Variants in SETBP1 observed in about 807,000 individuals in gnomAD.
SETBP1 encodes SET-binding protein.
In SETBP1, 9 loss-of-function variants were observed where a neutral mutation model predicts 101.0. The ratio of observed to expected loss-of-function variants is 0.09; its 90% CI spans 0.05 to 0.16. SETBP1 has a LOEUF of 0.16. Ranked by LOEUF, SETBP1 falls within the 10% of genes least tolerant of loss-of-function variation. The probability of loss-of-function intolerance (pLI) is 1.00; values close to 1 mark genes in which losing one functional copy is unlikely to be tolerated. For synonymous variants in SETBP1, 818 were observed against 788.5 expected (o/e 1.04, Z -0.63); for missense variants, 1,858 against 2,033.8 (o/e 0.91, Z 1.66).
chr18:44,903,136 A>T (rs1313652439), intron 3 of SETBP1, among the ~76,000 whole-genome samples: 1 of 152,140 alleles, frequency 6.6e-6, no homozygotes, highest in Non-Finnish European at 1.5e-5. Context: ...CATTTTTCAC[A>T]CACACACAAA....
chr18:44,785,161 A>G (rs576041428), intron 2 of SETBP1, among the ~76,000 whole-genome samples: 9 of 152,232 alleles, frequency 5.9e-5, no homozygotes, highest in Non-Finnish European at 1.3e-4. Context: ...CACATCATGT[A>G]CACACAATCA....
chr18:44,901,806 G>A (rs1488022883), intron 3 of SETBP1, among the ~76,000 whole-genome samples: 1 of 152,148 alleles, frequency 6.6e-6, no homozygotes, highest in Non-Finnish European at 1.5e-5. Flanking sequence ...ATATTACCCA[G>A]GGACAAGCAT....
chr18:44,745,945 G>A (rs1051283616), intron 2 of SETBP1, among the ~76,000 whole-genome samples: 1 of 152,168 alleles, frequency 6.6e-6, no homozygotes, highest in African/African-American at 2.4e-5. Flanking sequence ...CCCTTCTCTG[G>A]CACCCTTCCT....
intron 2 of SETBP1, among the ~76,000 whole-genome samples, chr18:44,864,250 A>AC (rs1210940803): frequency 1.3e-5 from 2 of 152,164 alleles, no homozygotes; most frequent in African/African-American, 2.4e-5. Context: ...TGGCAGCTGT[A>AC]CCATGGATAG....
At chr18:44,840,686 G>A (rs1323965974) in intron 2 of SETBP1, among the ~76,000 whole-genome samples, 2 of 152,156 alleles carry the variant, frequency 1.3e-5, no homozygotes, top group African/African-American at 2.4e-5. Context: ...CAACTCTCAC[G>A]TTCCCAGTTC....
chr18:44,919,381 C>T (rs191447200), intron 3 of SETBP1, among the ~76,000 whole-genome samples: 1 of 148,788 alleles, frequency 6.7e-6, no homozygotes, highest in African/African-American at 2.5e-5. Context: ...GAGTCTCACT[C>T]TGTCACCAGG....
chr18:45,011,172 G>T (rs1046698657), intron 4 of SETBP1, among the ~76,000 whole-genome samples: 2 of 152,112 alleles, frequency 1.3e-5, no homozygotes, highest in East Asian at 1.9e-4. Context: ...CTTGGAACAG[G>T]ACTACGTTGT....
At chr18:44,691,309 A>G (rs1568091950) in intron 1 of SETBP1, among the ~76,000 whole-genome samples, 2 of 152,138 alleles carry the variant, frequency 1.3e-5, no homozygotes. Flanking sequence ...TTAAATTGAT[A>G]ATGACTGTAA....
chr18:45,033,644 T>C (rs1188454771), intron 4 of SETBP1, among the ~76,000 whole-genome samples: 2 of 152,188 alleles, frequency 1.3e-5, no homozygotes, highest in Non-Finnish European at 2.9e-5. Context: ...TTGCAAATCT[T>C]AGAATTACAA....
chr18:44,777,976 C>A (rs767459498), intron 2 of SETBP1, among the ~76,000 whole-genome samples: 3 of 152,204 alleles, frequency 2.0e-5, no homozygotes, highest in Non-Finnish European at 2.9e-5. Flanking sequence ...AAGCAAATTT[C>A]TGGAATTTCA....
At chr18:45,005,200 A>G (rs1007650755) in intron 4 of SETBP1, among the ~76,000 whole-genome samples, 1 of 152,238 alleles carries the variant, frequency 6.6e-6, no homozygotes, top group African/African-American at 2.4e-5. Flanking sequence ...GGCATTTACT[A>G]AAACAAGAGT....
intron 3 of SETBP1, among the ~76,000 whole-genome samples, chr18:44,895,059 A>T (rs1289023291): frequency 1.3e-5 from 2 of 148,434 alleles, no homozygotes; most frequent in Non-Finnish European, 3.0e-5. Context: ...GGTTGCAGTG[A>T]GGTATGATCA....
chr18:44,720,707 A>C (rs531917120), intron 2 of SETBP1, among the ~76,000 whole-genome samples: 1 of 152,142 alleles, frequency 6.6e-6, no homozygotes, highest in Non-Finnish European at 1.5e-5. Context: ...AAAGCATAGG[A>C]TTTAGGTGGG....
At chr18:45,062,580 C>G (rs1251105964) in intron 5 of SETBP1, among the ~76,000 whole-genome samples, 1 of 152,186 alleles carries the variant, frequency 6.6e-6, no homozygotes, top group East Asian at 1.9e-4. Flanking sequence ...GATAGTACAT[C>G]TGCTTGATAT....
intron 2 of SETBP1, among the ~76,000 whole-genome samples, chr18:44,736,196 G>T (rs1475455214): frequency 1.3e-5 from 2 of 151,632 alleles, no homozygotes; most frequent in East Asian, 3.9e-4. Flanking sequence ...ACCAGCCTGG[G>T]CAACATAGAG....
chr18:44,866,293 T>C (rs1336682367), intron 2 of SETBP1, among the ~76,000 whole-genome samples: 1 of 152,244 alleles, frequency 6.6e-6, no homozygotes, highest in African/African-American at 2.4e-5. Flanking sequence ...TGCTAGGCGC[T>C]GAGTGCTGTT....
At chr18:44,758,960 T>G (rs2070572036) in intron 2 of SETBP1, among the ~76,000 whole-genome samples, 1 of 151,998 alleles carries the variant, frequency 6.6e-6, no homozygotes, top group African/African-American at 2.4e-5. Flanking sequence ...AGATGCTGTA[T>G]GTGTGTGATG....
At chr18:45,055,725 T>A (rs1410938569) in intron 5 of SETBP1, among the ~76,000 whole-genome samples, 7 of 152,218 alleles carry the variant, frequency 4.6e-5, no homozygotes, top group Admixed American at 3.9e-4. Context: ...TCCAATCTCA[T>A]CTATCAGTTA....
At chr18:44,684,847 A>G (rs1598986993) in intron 1 of SETBP1, among the ~76,000 whole-genome samples, 1 of 152,156 alleles carries the variant, frequency 6.6e-6, no homozygotes, top group African/African-American at 2.4e-5. Flanking sequence ...GGGTTTCACC[A>G]TGTTGGCCAG....
Sources: gnomAD v4.1 joint callset for allele counts (sites outside exome capture counted in the v4.1 genomes callset) on GRCh38, gnomAD v4.1.1 for gene constraint, MANE v1.5 for transcripts, NCBI Gene and HGNC (gene_info 2026-07-23, HGNC 2026-07-21) for gene names.